THOC2: variants seen among roughly 807,000 people sequenced by gnomAD.
The protein encoded by THOC2 is THO complex subunit 2.
A neutral mutation model predicts 128.4 loss-of-function variants in THOC2; 10 were observed. The observed-to-expected ratio is 0.08, with a 90% CI of 0.05 to 0.13. The LOEUF (loss-of-function observed/expected upper bound fraction) is 0.13, where lower values mean the gene tolerates loss of function less well. Among genes scored for constraint, THOC2 ranks in the 10% least tolerant of loss-of-function variants. THOC2 has a pLI of 1.00. For synonymous variants in THOC2, 393 were observed against 396.9 expected (o/e 0.99, Z 0.12); for missense variants, 535 against 1,155.7 (o/e 0.46, Z 7.79).
intron 3 of THOC2, among the ~76,000 whole-genome samples, chrX:123,704,102 G>A (rs187831517): frequency 9.0e-6 from 1 of 110,887 alleles, no homozygotes; most frequent in Non-Finnish European, 1.9e-5. Context: ...AAGCACTTTA[G>A]GAAATAAAGA....
intron 12 of THOC2, among the ~76,000 whole-genome samples, chrX:123,647,245 CA>C (rs2048163203): frequency 8.9e-6 from 1 of 112,063 alleles, no homozygotes; most frequent in Admixed American, 9.5e-5. Flanking sequence ...AAAATTAAAT[CA>C]AGAAGTACAT....
Position 123,627,693 on chromosome X carries a change from C to A in THOC2, c.2757G>T (p.Met919Ile). Residue 919 changes from methionine to isoleucine, a missense_variant and splice_region_variant, in exon 23 of 39, where the codon ATG becomes ATT. Physicochemically the swap from Met to Ile is conservative, Grantham distance 10. This residue lies in a region of THOC2 where 90 missense variants were observed against 298.6 expected (regional missense o/e 0.30). Transcript: ENST00000245838. ...TTGAACTACTAGAACAAAAACCTAC[C>A]ATTTCCTGATTGTCATCAATTGCTT... ...QMKAIDDNQE[M>I]PPNKKKKEKE... 1 of 1,209,934 alleles carries A rather than the reference C, an allele frequency of 8.3e-7. No homozygotes were observed. The highest frequency in any genetic ancestry group is 1.8e-5 in the South Asian group (1 of 56,758).
At chrX:123,717,989 T>C (rs941994599) in intron 1 of THOC2, among the ~76,000 whole-genome samples, 2 of 112,698 alleles carry the variant, frequency 1.8e-5, no homozygotes, top group Admixed American at 9.4e-5. Context: ...CTGCAGTTGG[T>C]TGAATCTGTG....
intron 7 of THOC2, among the ~76,000 whole-genome samples, chrX:123,690,040 A>C (rs1363869973): frequency 9.0e-6 from 1 of 111,430 alleles, no homozygotes; most frequent in Admixed American, 9.6e-5. Context: ...ACACACACAA[A>C]CACACACACA....
At chrX:123,635,088 T>C (rs2047623649) in intron 19 of THOC2, among the ~76,000 whole-genome samples, 1 of 111,847 alleles carries the variant, frequency 8.9e-6, no homozygotes, top group South Asian at 3.7e-4. Flanking sequence ...TGCCTTGCTT[T>C]CCTTAGTTTC....
intron 1 of THOC2, among the ~76,000 whole-genome samples, chrX:123,725,857 TA>T (rs2051950187): frequency 9.0e-6 from 1 of 111,223 alleles, no homozygotes; most frequent in Non-Finnish European, 1.9e-5. Flanking sequence ...TATGAAGTAT[TA>T]AAACAATTCC....
intron 16 of THOC2, among the ~76,000 whole-genome samples, chrX:123,639,816 T>C (rs1241952824): frequency 3.6e-5 from 4 of 111,736 alleles, no homozygotes; most frequent in African/African-American, 1.3e-4. Context: ...AAAATTAATT[T>C]AAAAAGGAAA....
At position 123,638,108 on chromosome X, in the gene THOC2, G is replaced by C. The variant is rs1302478382; in HGVS notation, c.1856C>G (p.Ala619Gly). 1 of 1,176,483 alleles carries C rather than the reference G, an allele frequency of 8.5e-7. No homozygotes were observed. Among genetic ancestry groups the C allele is most frequent in the Non-Finnish European group, 1.2e-6 (1 of 868,622 alleles). Residue 619 changes from alanine to glycine, a missense_variant, in exon 18 of 39, where the codon GCT becomes GGT. Transcript: ENST00000245838. ...YDVLAYCIIE[A>G]LANPEKERMK... ...TCTTTCCTTTTCTGGATTAGCTAAA[G>C]CTTCAATGATACAATCTTTCATACA...
intron 32 of THOC2, chrX:123,620,015 C>T (rs1427360508): frequency 9.1e-6 from 1 of 109,659 alleles, no homozygotes; most frequent in Non-Finnish European, 1.9e-5. Context: ...ACAAAGAAAG[C>T]ATTAAAAAAA....
intron 12 of THOC2, among the ~76,000 whole-genome samples, chrX:123,661,478 G>C (rs2048829238): frequency 9.0e-6 from 1 of 110,847 alleles, no homozygotes. Context: ...GGAGAGGATA[G>C]AATGACAGAT....
chrX:123,628,264 T>G (rs768512124), intron 22 of THOC2, among the ~76,000 whole-genome samples: 47 of 111,584 alleles, frequency 4.2e-4, no homozygotes, highest in Non-Finnish European at 8.1e-4. Context: ...TCCTCTTTCA[T>G]TCCCCCACCC....
intron 7 of THOC2, among the ~76,000 whole-genome samples, chrX:123,693,524 GATAA>G (rs1322499993): frequency 1.8e-5 from 2 of 111,527 alleles, no homozygotes; most frequent in Admixed American, 9.6e-5. Flanking sequence ...CCTAGTCAGA[GATAA>G]ATAAACACTG....
chrX:123,730,676 G>A (rs1218990461), intron 1 of THOC2, among the ~76,000 whole-genome samples: 1 of 112,112 alleles, frequency 8.9e-6, no homozygotes, highest in Non-Finnish European at 1.9e-5. Flanking sequence ...CTCATGCTAA[G>A]GTGGCAGCAA....
intron 38 of THOC2, among the ~76,000 whole-genome samples, chrX:123,610,651 A>G (rs926956896): frequency 1.8e-5 from 2 of 112,077 alleles, no homozygotes; most frequent in South Asian, 7.4e-4. Flanking sequence ...GAAGATGGGA[A>G]TAAGTGGTGA....
chrX:123,659,563 A>T (rs1417725430), intron 12 of THOC2, among the ~76,000 whole-genome samples: 2 of 111,941 alleles, frequency 1.8e-5, no homozygotes, highest in Non-Finnish European at 3.8e-5. Flanking sequence ...GAGCGAGACT[A>T]CGTCTCAAAA....
intron 7 of THOC2, among the ~76,000 whole-genome samples, chrX:123,695,398 T>C: frequency 8.9e-6 from 1 of 112,424 alleles, no homozygotes; most frequent in Non-Finnish European, 1.9e-5. Context: ...AAGAAAACAG[T>C]AATGCTACAG....
chrX:123,604,232 T>A (rs2046385161), intron 38 of THOC2, among the ~76,000 whole-genome samples: 1 of 112,063 alleles, frequency 8.9e-6, no homozygotes, highest in Non-Finnish European at 1.9e-5. Flanking sequence ...ATTGGTGCTA[T>A]AAGCTGTATT....
intron 1 of THOC2, among the ~76,000 whole-genome samples, chrX:123,722,081 G>A (rs1304084301): frequency 8.9e-6 from 1 of 112,195 alleles, no homozygotes; most frequent in Non-Finnish European, 1.9e-5. Flanking sequence ...AAACAACAGA[G>A]TATTTGCTGC....
intron 19 of THOC2, among the ~76,000 whole-genome samples, chrX:123,634,875 T>C (rs1325868477): frequency 8.9e-6 from 1 of 112,087 alleles, no homozygotes; most frequent in Non-Finnish European, 1.9e-5. Flanking sequence ...TGCTTTTTAA[T>C]CTGCAAAGTT....
Sources: allele counts gnomAD v4.1 joint callset (sites outside exome capture counted in the v4.1 genomes callset), GRCh38; gene constraint gnomAD v4.1.1; regional missense constraint gnomAD v4.1.1; transcripts MANE v1.5; gene names NCBI Gene and HGNC (gene_info 2026-07-23, HGNC 2026-07-21).